Variants in CNN2 observed in about 807,000 individuals in gnomAD.
CNN2 encodes the protein calponin-2.
In CNN2, 21 loss-of-function variants were observed where a neutral mutation model predicts 31.0. That is an observed-to-expected ratio of 0.68 (90% CI 0.48 to 0.98). The LOEUF (loss-of-function observed/expected upper bound fraction) is 0.98. CNN2 is among the 50% of genes least tolerant of loss of function. The pLI is 0.00. For synonymous variants in CNN2, 165 were observed against 179.6 expected (o/e 0.92, Z 0.65); for missense variants, 399 against 427.3 (o/e 0.93, Z 0.58).
At position 1,031,073 on chromosome 19, in the gene CNN2, C is replaced by G. The variant is rs1194445139; in HGVS notation, c.66C>G (p.Leu22=). The G allele has an allele frequency of 2.5e-6, 4 of 1,612,206 alleles. No homozygotes were observed. The South Asian group carries it at 4.4e-5, about 18-fold the overall frequency. Residue 22 remains leucine, a splice_region_variant and synonymous_variant, in exon 2 of 7, where the codon CTC becomes CTG. Transcript: ENST00000263097. ...TCTCGTGCCCTTTGCTCCACCAGCTCCTGTCCAAATATGACCCCCAGAAGG... is the reference window on the plus strand; with the variant it reads ...TCTCGTGCCCTTTGCTCCACCAGCTGCTGTCCAAATATGACCCCCAGAAGG... The part of the protein sequence containing the change: ...YGLSAEVKNR[L]LSKYDPQKEA...
chr19:1,037,580 C>T (rs766023026), intron 6 of CNN2, 45 bp from the exon 7 acceptor site: 2 of 1,593,204 alleles, frequency 1.3e-6, no homozygotes, highest in South Asian at 1.1e-5. Context: ...TGAAGGTCCC[C>T]TCTTCTCTCC....
chr19:1,030,726 G>A (rs1462889861), intron 1 of CNN2, among the ~76,000 whole-genome samples: 3 of 152,206 alleles, frequency 2.0e-5, no homozygotes, highest in South Asian at 4.1e-4. Context: ...AGTGGTAAAC[G>A]TCAGGTGTGA....
At chr19:1,031,295 GGCTCATGCCTGTAATCCCAGCACTT>G in intron 2 of CNN2, 103 bp downstream of exon 2, 1 of 882,562 alleles carries the variant, frequency 1.1e-6, no homozygotes, top group South Asian at 2.2e-5. Flanking sequence ...GGCATGGCCT[GGCTCATGCCTGTAATCCCAGCACTT>G]TTGGAGGCCG....
intron 4 of CNN2, among the ~76,000 whole-genome samples, chr19:1,033,481 A>G (rs1026728805): frequency 2.0e-5 from 3 of 152,242 alleles, no homozygotes; most frequent in Non-Finnish European, 4.4e-5. Flanking sequence ...AGCCTGGGCA[A>G]CAGAGCAAGA....
Position 1,032,377 on chromosome 19 carries a change from T to A in CNN2, c.186-15T>A, listed in dbSNP as rs772815794. 1.2e-6 allele frequency: 2 copies of A among 1,613,114 alleles called. No individual in the cohort carries two copies. The highest frequency in any genetic ancestry group is 3.3e-5 in the Admixed American group (2 of 60,000). ...AGAGGTTTCTGTTTCCCCCGCCCCA[T>A]GTTGTGCCCTCCAGACTCATGAACA... On this transcript the variant is annotated splice_polypyrimidine_tract_variant and intron_variant, in intron 2 of 6. Coordinates refer to ENST00000263097, the MANE Select transcript of CNN2 (RefSeq NM_004368.4).
At chr19:1,035,273 G>GT in intron 4 of CNN2, among the ~76,000 whole-genome samples, 1 of 152,190 alleles carries the variant, frequency 6.6e-6, no homozygotes, top group Non-Finnish European at 1.5e-5. Context: ...GTGTGTGTTT[G>GT]TGACATGGTG....
rs2039399792 is a variant in CNN2, at chr19:1,026,642, C to G, written c.-20C>G. On this transcript the variant is annotated 5_prime_UTR_variant, in exon 1 of 7. Transcript: ENST00000263097. The stretch of plus-strand genomic sequence containing the variant: ...CCGTCCCGTCCTGTGCGGCCCCGTC[C>G]CGCCGCCCGCCCGCCAGCCATGAGC... The G allele has an allele frequency of 6.5e-7, 1 of 1,534,170 alleles. No individual in the cohort carries two copies. The highest frequency in any genetic ancestry group is 8.8e-7 in the Non-Finnish European group (1 of 1,140,934).
At chr19:1,036,099 C>T (rs753616056) in intron 4 of CNN2, 31 bp from the exon 5 acceptor site, 1 of 1,566,228 alleles carries the variant, frequency 6.4e-7, no homozygotes, top group Admixed American at 1.9e-5. Context: ...CTGCCCTCTG[C>T]TGGTACTCCC....
intron 1 of CNN2, among the ~76,000 whole-genome samples, chr19:1,030,196 C>T (rs893774725): frequency 1.3e-5 from 2 of 152,144 alleles, no homozygotes; most frequent in Non-Finnish European, 2.9e-5. Context: ...TTCCCCACGG[C>T]GGTGTCTCAG....
At chr19:1,030,616 ACT>A (rs1266753286) in intron 1 of CNN2, among the ~76,000 whole-genome samples, 3 of 151,984 alleles carry the variant, frequency 2.0e-5, no homozygotes, top group African/African-American at 4.8e-5. Context: ...ACAGAGTGAG[ACT>A]CTGTCTCAAA....
chr19:1,036,608 C>T (rs752589645), intron 6 of CNN2, 46 bp downstream of exon 6: 3 of 1,612,458 alleles, frequency 1.9e-6, no homozygotes, highest in East Asian at 2.2e-5. Flanking sequence ...TGCCCCTCTA[C>T]ACCCTGTGGT....
chr19:1,036,169 G>T lies in CNN2; in HGVS notation c.430G>T (p.Val144Phe), dbSNP rs201618086. ...GCTGCAGAGCGGGGTGGACATTGGCGTCAAGTACTCGGAGAAGCAGGAGCG... is the reference window on the plus strand; with the variant it reads ...GCTGCAGAGCGGGGTGGACATTGGCTTCAAGTACTCGGAGAAGCAGGAGCG... ...KGLQSGVDIG[V>F]KYSEKQERNF... Residue 144 changes from valine to phenylalanine, a missense_variant, in exon 5 of 7, where the codon GTC becomes TTC. Val to Phe is a conservative substitution (Grantham distance 50, BLOSUM62 -1). Transcript: ENST00000263097. The T allele has an allele frequency of 6.2e-7, 1 of 1,612,608 alleles. No individual in the cohort carries two copies. Among genetic ancestry groups the T allele is most frequent in the Non-Finnish European group, 8.5e-7 (1 of 1,179,282 alleles).
chr19:1,030,964 C>T (rs1490682989), intron 1 of CNN2, 107 bp from the exon 2 acceptor site: 18 of 1,375,556 alleles, frequency 1.3e-5, no homozygotes, highest in Non-Finnish European at 1.7e-5. Context: ...GCCGCTCTAT[C>T]TGCTGTTGCC....
Position 1,030,064 on chromosome 19 carries a change from C to G in CNN2, c.64-1007C>G, listed in dbSNP as rs544529217. Reference sequence around the variant, plus strand: ...TCCCGCTACACGACCTGCCCCCATGCTTATGGCCCCCTATACACTTTGCCG... The same window carrying G: ...TCCCGCTACACGACCTGCCCCCATGGTTATGGCCCCCTATACACTTTGCCG... On this transcript the variant is annotated intron_variant, in intron 1 of 6. Transcript: ENST00000263097. 3.9e-4 allele frequency among the ~76,000 whole-genome samples: 60 copies of G among 152,282 alleles called. No homozygotes were observed. The East Asian group carries it at 9.3e-3, about 24-fold the overall frequency.
rs753081579 is a variant in CNN2, at chr19:1,037,798, A to G, written c.828A>G (p.Gln276=). The change falls in exon 7 of 7, where the codon CAA becomes CAG. Residue 276 remains glutamine, a synonymous_variant. Transcript: ENST00000263097. ...RQIYDPKYCP[Q]GTVADGAPSG... is the part of the protein sequence containing the mutation. ...TATATGACCCCAAGTACTGCCCGCAAGGCACAGTGGCCGATGGGGCTCCCT... is the reference window on the plus strand; with the variant it reads ...TATATGACCCCAAGTACTGCCCGCAGGGCACAGTGGCCGATGGGGCTCCCT... 6.2e-7 allele frequency: 1 copy of G among 1,611,306 alleles called. No individual in the cohort carries two copies. Among genetic ancestry groups the G allele is most frequent in the Non-Finnish European group, 8.5e-7 (1 of 1,179,794 alleles).
In CNN2 at chr19:1,036,509, A is replaced by G. The variant is rs371986278; in HGVS notation, c.601A>G (p.Met201Val). 33 of 1,613,076 alleles carry G rather than the reference A, an allele frequency of 2.0e-5. No individual in the cohort carries two copies. The African/African-American group carries it at 2.5e-4, about 12-fold the overall frequency. Residue 201 changes from methionine (M) to valine (V), a missense_variant, in exon 6 of 7, where the codon ATG (methionine) becomes GTG (valine). Met to Val is a conservative substitution (Grantham distance 21). Coordinates refer to ENST00000263097, the MANE Select transcript of CNN2 (RefSeq NM_004368.4). Reference protein sequence around the residue: ...YDPKNHILPPMDHSTISLQMG... With the variant: ...YDPKNHILPPVDHSTISLQMG... Reference sequence around the variant, plus strand: ...CCCCAAGAACCATATCCTGCCCCCCATGGACCACTCGACCATCAGCCTCCA... The same window carrying G: ...CCCCAAGAACCATATCCTGCCCCCCGTGGACCACTCGACCATCAGCCTCCA...
chr19:1,036,516 A>G lies in CNN2; in HGVS notation c.608A>G (p.His203Arg). The G allele has an allele frequency of 6.2e-7, 1 of 1,613,476 alleles. No individual in the cohort carries two copies. The highest frequency in any genetic ancestry group is 8.5e-7 in the Non-Finnish European group (1 of 1,179,664). The change falls in exon 6 of 7, where the codon CAC becomes CGC. Residue 203 changes from histidine to arginine, a missense_variant. Transcript: ENST00000263097. Reference sequence around the variant, plus strand: ...AACCATATCCTGCCCCCCATGGACCACTCGACCATCAGCCTCCAGATGGGC... The same window carrying G: ...AACCATATCCTGCCCCCCATGGACCGCTCGACCATCAGCCTCCAGATGGGC... ...PKNHILPPMD[H>R]STISLQMGTN...
In CNN2 at chr19:1,037,643, G is replaced by A. The variant is rs772241563; in HGVS notation, c.673G>A (p.Gly225Arg). The change falls in exon 7 of 7, where the codon GGG (glycine) becomes AGG (arginine). Residue 225 changes from glycine to arginine, a missense_variant. Transcript: ENST00000263097. The part of the protein sequence containing the change: ...CASQVGMTAP[G>R]TRRHIYDTKL... ...TCTCCAGGTGGGCATGACGGCTCCC[G>A]GGACCCGGCGGCACATCTATGATAC... 9 of 1,611,100 alleles carry A rather than the reference G, an allele frequency of 5.6e-6. No homozygotes were observed. The East Asian group carries it at 6.7e-5, about 12-fold the overall frequency.
At chr19:1,030,285 G>T (rs1375318807) in intron 1 of CNN2, among the ~76,000 whole-genome samples, 2 of 152,190 alleles carry the variant, frequency 1.3e-5, no homozygotes, top group African/African-American at 4.8e-5. Flanking sequence ...CCAGGTGCGT[G>T]ACTAGAGGCG....
Sources: gnomAD v4.1 joint callset for allele counts (sites outside exome capture counted in the v4.1 genomes callset) on GRCh38, gnomAD v4.1.1 for gene constraint, MANE v1.5 for transcripts, NCBI Gene and HGNC (gene_info 2026-07-23, HGNC 2026-07-21) for gene names.